Variants in HS6ST3 observed in about 807,000 individuals in gnomAD.
HS6ST3 encodes heparan sulfate 6-O-sulfotransferase 3.
A neutral mutation model predicts 36.7 loss-of-function variants in HS6ST3; 12 were observed. The observed-to-expected ratio is 0.33, with a 90% CI of 0.21 to 0.53. The LOEUF (loss-of-function observed/expected upper bound fraction) is 0.53. Among genes scored for constraint, HS6ST3 ranks in the 20% least tolerant of loss-of-function variants. HS6ST3 has a pLI of 0.95. For synonymous variants in HS6ST3, 240 were observed against 257.5 expected (o/e 0.93, Z 0.65); for missense variants, 584 against 640.9 (o/e 0.91, Z 0.96).
intron 1 of HS6ST3, among the ~76,000 whole-genome samples, chr13:96,630,963 T>C (rs553680868): frequency 1.3e-5 from 2 of 152,220 alleles, no homozygotes; most frequent in Non-Finnish European, 2.9e-5. Flanking sequence ...TTGAGTCTTA[T>C]ATTTTTTAGA....
At chr13:96,366,084 G>A (rs2055261164) in intron 1 of HS6ST3, among the ~76,000 whole-genome samples, 1 of 152,272 alleles carries the variant, frequency 6.6e-6, no homozygotes, top group South Asian at 2.1e-4. Context: ...GGTGACTAAA[G>A]GATTAGAAGA....
intron 1 of HS6ST3, among the ~76,000 whole-genome samples, chr13:96,782,931 G>A (rs1877561084): frequency 6.6e-6 from 1 of 152,072 alleles, no homozygotes; most frequent in African/African-American, 2.4e-5. Flanking sequence ...GCCGTTATCT[G>A]TGGCAAGAAA....
At chr13:96,416,653 G>C (rs918414629) in intron 1 of HS6ST3, among the ~76,000 whole-genome samples, 1 of 117,288 alleles carries the variant, frequency 8.5e-6, no homozygotes, top group African/African-American at 3.3e-5. Flanking sequence ...ACTGTAAACT[G>C]TAAGTGTATT....
chr13:96,647,831 G>A (rs492639), intron 1 of HS6ST3, among the ~76,000 whole-genome samples: 28,647 of 151,842 alleles, frequency 0.19, 3,443 homozygotes, highest in Non-Finnish European at 0.27. Flanking sequence ...TGCAACAGTA[G>A]CAAAATGATG....
intron 1 of HS6ST3, among the ~76,000 whole-genome samples, chr13:96,309,211 G>T (rs558671339): frequency 6.6e-6 from 1 of 152,100 alleles, no homozygotes; most frequent in Non-Finnish European, 1.5e-5. Flanking sequence ...TTCTCACTTA[G>T]CCATACATTT....
chr13:96,416,402 G>A (rs1014316648), intron 1 of HS6ST3, among the ~76,000 whole-genome samples: 6 of 152,162 alleles, frequency 3.9e-5, no homozygotes, highest in African/African-American at 1.4e-4. Flanking sequence ...GTCATACCTG[G>A]AATGGTATAA....
At chr13:96,328,929 A>T (rs2055048464) in intron 1 of HS6ST3, among the ~76,000 whole-genome samples, 1 of 151,916 alleles carries the variant, frequency 6.6e-6, no homozygotes, top group Non-Finnish European at 1.5e-5. Flanking sequence ...TGTGTCAAGG[A>T]ATTTATCCAT....
chr13:96,126,342 G>T (rs1349800660), intron 1 of HS6ST3, among the ~76,000 whole-genome samples: 1 of 152,248 alleles, frequency 6.6e-6, no homozygotes, highest in Non-Finnish European at 1.5e-5. Flanking sequence ...CAGGATTGAT[G>T]CTACAGTTTG....
chr13:96,328,789 C>A (rs144763124), intron 1 of HS6ST3, among the ~76,000 whole-genome samples: 1 of 152,034 alleles, frequency 6.6e-6, no homozygotes, highest in Non-Finnish European at 1.5e-5. Context: ...TGGTAGAATT[C>A]GGCTATGAAT....
intron 1 of HS6ST3, among the ~76,000 whole-genome samples, chr13:96,208,217 GTCT>G (rs752019877): frequency 2.6e-5 from 4 of 151,814 alleles, no homozygotes; most frequent in Non-Finnish European, 5.9e-5. Context: ...CAATATATTG[GTCT>G]TCAACTGACA....
At chr13:96,292,391 G>A (rs764248871) in intron 1 of HS6ST3, among the ~76,000 whole-genome samples, 5 of 151,906 alleles carry the variant, frequency 3.3e-5, no homozygotes, top group Non-Finnish European at 7.4e-5. Flanking sequence ...TTTGAGCCGT[G>A]GAGTGATTCA....
intron 1 of HS6ST3, among the ~76,000 whole-genome samples, chr13:96,385,676 G>A (rs1252184331): frequency 1.3e-5 from 2 of 152,162 alleles, no homozygotes; most frequent in Admixed American, 6.5e-5. Flanking sequence ...ATATGTAAAT[G>A]TAGATAATGC....
At chr13:96,799,946 A>ATATATATATATATG (rs1566456732) in intron 1 of HS6ST3, among the ~76,000 whole-genome samples, 26 of 77,058 alleles carry the variant, frequency 3.4e-4, no homozygotes, top group East Asian at 1.3e-3. Context: ...ATGTGTGTGT[A>ATATATATATATATG]TATATATATA....
At chr13:96,199,955 T>C (rs766436246) in intron 1 of HS6ST3, among the ~76,000 whole-genome samples, 1 of 152,174 alleles carries the variant, frequency 6.6e-6, no homozygotes, top group African/African-American at 2.4e-5. Flanking sequence ...TTCTAGACTC[T>C]TTTCAGGAGC....
rs1412535879 is a variant in HS6ST3, at chr13:96,822,223, G to A, written c.708-10267G>A. Reference sequence around the variant, plus strand: ...ACTCCAAGGCGGCTCCAGGCTTCAGGTGGATACCCGCATGCATAAACCACA... The same window carrying A: ...ACTCCAAGGCGGCTCCAGGCTTCAGATGGATACCCGCATGCATAAACCACA... On this transcript the variant is annotated intron_variant, in intron 1 of 1. Coordinates refer to ENST00000376705, the MANE Select transcript of HS6ST3 (RefSeq NM_153456.4). Among the ~76,000 whole-genome samples the A allele has an allele frequency of 3.3e-5, 5 of 152,314 alleles. No homozygotes were observed. The South Asian group carries it at 1.0e-3, about 32-fold the overall frequency.
At chr13:96,539,449 G>A (rs551494161) in intron 1 of HS6ST3, among the ~76,000 whole-genome samples, 4 of 151,944 alleles carry the variant, frequency 2.6e-5, no homozygotes, top group African/African-American at 2.4e-5. Context: ...TCTGCCTCTC[G>A]GGTTCAAGTG....
Position 96,834,747 on chromosome 13 carries a change from C to T in HS6ST3, c.*1549C>T, listed in dbSNP as rs1202145525. Reference sequence around the variant, plus strand: ...TGTTTGATGTTTAAGCTAGCTTTACCTAAGCCACTTCTCAGCCTCCAGAAT... The same window carrying T: ...TGTTTGATGTTTAAGCTAGCTTTACTTAAGCCACTTCTCAGCCTCCAGAAT... On this transcript the variant is annotated 3_prime_UTR_variant, in exon 2 of 2. Coordinates refer to ENST00000376705, the MANE Select transcript of HS6ST3 (RefSeq NM_153456.4). 2 of 152,534 alleles carry T rather than the reference C, an allele frequency of 1.3e-5. No individual in the cohort carries two copies. The highest frequency in any genetic ancestry group is 2.9e-5 in the Non-Finnish European group (2 of 68,000). 9.4% of individuals were successfully genotyped at this position (152,534 alleles called of 1,614,324 possible). A position where few individuals can be genotyped will look rare whatever the true frequency, so the allele number is the denominator to read the frequency against.
intron 1 of HS6ST3, among the ~76,000 whole-genome samples, chr13:96,457,616 C>A (rs1227825164): frequency 6.6e-6 from 1 of 152,116 alleles, no homozygotes; most frequent in Non-Finnish European, 1.5e-5. Context: ...CCAAGCACTT[C>A]TGTTCCTCTT....
At chr13:96,148,532 CTTAAG>C (rs1362127477) in intron 1 of HS6ST3, among the ~76,000 whole-genome samples, 2 of 152,056 alleles carry the variant, frequency 1.3e-5, no homozygotes, top group Admixed American at 1.3e-4. Flanking sequence ...TAAGTGAACA[CTTAAG>C]TTAATTAAGA....
Sources: gnomAD v4.1 joint callset for allele counts (sites outside exome capture counted in the v4.1 genomes callset) on GRCh38, gnomAD v4.1.1 for gene constraint, MANE v1.5 for transcripts, NCBI Gene and HGNC (gene_info 2026-07-23, HGNC 2026-07-21) for gene names.